Variants in LRRC37B observed in about 807,000 individuals in gnomAD.
LRRC37B encodes the protein leucine-rich repeat-containing protein 37B.
LRRC37B carries 28 observed loss-of-function variants against 98.3 expected under a neutral mutation model. The ratio of observed to expected loss-of-function variants is 0.28; its 90% CI spans 0.21 to 0.39. The LOEUF is 0.39. LRRC37B is among the 10% of genes least tolerant of loss of function. LRRC37B has a pLI of 1.00. For missense variants in LRRC37B, 938 were observed against 1,182.7 expected (o/e 0.79, Z 3.03); for synonymous variants, 364 against 442.7 (o/e 0.82, Z 2.23).
chr17:32,037,677 A>G (rs1331786846), intron 7 of LRRC37B, among the ~76,000 whole-genome samples: 3 of 152,210 alleles, frequency 2.0e-5, no homozygotes, highest in African/African-American at 7.2e-5. Flanking sequence ...ATAGCTAGTG[A>G]TGTTGAATGT....
At chr17:32,038,133 A>C (rs1911305870) in intron 7 of LRRC37B, among the ~76,000 whole-genome samples, 1 of 151,288 alleles carries the variant, frequency 6.6e-6, no homozygotes, top group South Asian at 2.1e-4. Context: ...TCTCAAACAA[A>C]AAAAAAAGAG....
At chr17:32,014,608 C>T (rs1208947197) in intron 1 of LRRC37B, among the ~76,000 whole-genome samples, 1 of 152,116 alleles carries the variant, frequency 6.6e-6, no homozygotes, top group African/African-American at 2.4e-5. Flanking sequence ...TTTTAAAACA[C>T]AAATGGTTGT....
At chr17:32,041,018 C>T (rs776379560) in intron 7 of LRRC37B, 14 of 785,092 alleles carry the variant, frequency 1.8e-5, no homozygotes, top group Non-Finnish European at 2.8e-5. Context: ...TAGCAGAAAC[C>T]AGCATGCACA....
chr17:32,040,615 C>T (rs1367192660), intron 7 of LRRC37B: 2 of 776,220 alleles, frequency 2.6e-6, no homozygotes, highest in South Asian at 1.3e-5. Context: ...AACCCAGCCT[C>T]ACAGGCTAAG....
At chr17:32,041,977 G>T (rs1253282359) in intron 7 of LRRC37B, 5 of 365,330 alleles carry the variant, frequency 1.4e-5, no homozygotes, top group Admixed American at 1.1e-4. Flanking sequence ...GTGGCTCAGA[G>T]ACAGGACCCT....
At chr17:32,015,918 A>G (rs1430637659) in intron 1 of LRRC37B, among the ~76,000 whole-genome samples, 1 of 152,250 alleles carries the variant, frequency 6.6e-6, no homozygotes, top group African/African-American at 2.4e-5. Flanking sequence ...AGCAAAGGGT[A>G]GTAGAGGTGA....
At chr17:32,026,878 A>T (rs1910970456) in intron 2 of LRRC37B, among the ~76,000 whole-genome samples, 1 of 152,200 alleles carries the variant, frequency 6.6e-6, no homozygotes, top group African/African-American at 2.4e-5. Flanking sequence ...TTACATGGGT[A>T]TCTGCTTTAT....
At chr17:32,034,453 G>A (rs1911186516) in intron 5 of LRRC37B, among the ~76,000 whole-genome samples, 1 of 134,474 alleles carries the variant, frequency 7.4e-6, no homozygotes, top group Admixed American at 7.8e-5. Context: ...AGTGAGCCAA[G>A]ATGGAGCCAT....
At chr17:32,007,691 C>T (rs1910441111), upstream of LRRC37B, among the ~76,000 whole-genome samples, 2 of 151,502 alleles carry the variant, frequency 1.3e-5, no homozygotes, top group South Asian at 4.1e-4. The surrounding 1 kb of genome is among the most constrained non-coding windows in gnomAD (Gnocchi z 4.1). Flanking sequence ...GCCGCCGCCG[C>T]CCACGTCCGG....
chr17:32,035,143 T>C (rs1379359563), intron 6 of LRRC37B, among the ~76,000 whole-genome samples, 162 bp downstream of exon 9: 1 of 152,128 alleles, frequency 6.6e-6, no homozygotes, highest in African/African-American at 2.4e-5. Context: ...AGAAAGGATG[T>C]ATAATGGTCA....
intron 7 of LRRC37B, among the ~76,000 whole-genome samples, chr17:32,037,577 A>T (rs1162787969): frequency 6.6e-6 from 1 of 152,060 alleles, no homozygotes; most frequent in Non-Finnish European, 1.5e-5. Flanking sequence ...AGCCCAGCAG[A>T]TTCTTATATT....
At chr17:32,011,716 C>T (rs185925580) in intron 1 of LRRC37B, among the ~76,000 whole-genome samples, 4 of 150,094 alleles carry the variant, frequency 2.7e-5, no homozygotes, top group Non-Finnish European at 5.9e-5. Flanking sequence ...AGGCTGGTCT[C>T]AAACTCCTGA....
At chr17:32,020,270 T>C (rs1004021335), upstream of LRRC37B, among the ~76,000 whole-genome samples, 1 of 152,214 alleles carries the variant, frequency 6.6e-6, no homozygotes, top group African/African-American at 2.4e-5. Flanking sequence ...AGGTAAGGGC[T>C]GTGGGGGAAG....
intron 9 of LRRC37B, among the ~76,000 whole-genome samples, chr17:32,048,679 G>C (rs2957920): frequency 0.2 from 30,226 of 152,094 alleles, 3,881 homozygotes; most frequent in African/African-American, 0.36. Context: ...ACAGAACACC[G>C]AAGGCCAAAA....
chr17:32,012,869 G>C (rs1910565825), intron 1 of LRRC37B, among the ~76,000 whole-genome samples: 1 of 152,058 alleles, frequency 6.6e-6, no homozygotes, highest in Admixed American at 6.6e-5. Flanking sequence ...ATACAAAAAT[G>C]AGCCAGGCGC....
exon 1 of LRRC37B, chr17:32,008,083 C>A: frequency 6.6e-6 from 3 of 456,900 alleles, no homozygotes; most frequent in Non-Finnish European, 8.5e-6. Context: ...TGGAAGATGA[C>A]GACGAGGACG....
chr17:32,030,404 G>A (rs1911079738), intron 3 of LRRC37B, among the ~76,000 whole-genome samples: 1 of 151,300 alleles, frequency 6.6e-6, no homozygotes, highest in African/African-American at 2.4e-5. Context: ...ATCTAATCAA[G>A]TCTACTGCTC....
intron 7 of LRRC37B, chr17:32,040,425 GGGA>G (rs1911391643): frequency 1.9e-6 from 1 of 538,444 alleles, no homozygotes; most frequent in African/African-American, 1.9e-5. Context: ...GTTCTGCGGC[GGGA>G]GGCAGCCTGT....
intron 9 of LRRC37B, 146 bp downstream of exon 12, chr17:32,048,047 T>C (rs1234531506): frequency 7.2e-7 from 1 of 1,392,052 alleles, no homozygotes; most frequent in African/African-American, 1.4e-5. Flanking sequence ...AAGATGGAGA[T>C]AGGCTCCTGA....
Sources: allele counts gnomAD v4.1 joint callset (sites outside exome capture counted in the v4.1 genomes callset), GRCh38; gene constraint gnomAD v4.1.1; non-coding constraint Gnocchi (gnomAD v3.1); transcripts MANE v1.5; gene names NCBI Gene and HGNC (gene_info 2026-07-23, HGNC 2026-07-21).